Variants in ZNF536 observed in about 807,000 individuals in gnomAD.
The protein encoded by ZNF536 is zinc finger protein 536.
In ZNF536, 13 loss-of-function variants were observed where a neutral mutation model predicts 84.5. That is an observed-to-expected ratio of 0.15 (90% confidence interval 0.10 to 0.24). ZNF536 has a LOEUF of 0.24. ZNF536 is among the 10% of genes least tolerant of loss of function. The probability of loss-of-function intolerance (pLI) is 1.00; values close to 1 mark genes in which losing one functional copy is unlikely to be tolerated. For missense variants in ZNF536, 1,536 were observed against 1,747.5 expected, an observed-to-expected ratio of 0.88 and a Z score of 2.16; for synonymous variants, 811 against 742.5, an observed-to-expected ratio of 1.09 and a Z score of -1.50.
chr19:30,522,262 C>CACACACAT (rs2044375836), intron 2 of ZNF536, among the ~76,000 whole-genome samples: 2 of 7,638 alleles, frequency 2.6e-4, no homozygotes, highest in East Asian at 0.011. Flanking sequence ...GATATATATA[C>CACACACAT]ATATATATAT....
chr19:30,459,327 TTTCTTTCTTTCC>T (rs2053024223), intron 2 of ZNF536, among the ~76,000 whole-genome samples: 2 of 151,426 alleles, frequency 1.3e-5, no homozygotes, highest in South Asian at 4.2e-4. Flanking sequence ...CTTTTCTTTC[TTTCTTTCTTTCC>T]TTCTTTCTTT....
At chr19:30,572,331 C>T (rs967758752) in intron 1 of ZNF536, among the ~76,000 whole-genome samples, 6 of 152,114 alleles carry the variant, frequency 3.9e-5, no homozygotes, top group East Asian at 1.9e-4. Flanking sequence ...CCCAGGCCCC[C>T]GTCCTAAGAG....
chr19:30,373,365 C>G (rs1000286232), intron 1 of ZNF536, among the ~76,000 whole-genome samples: 2 of 152,030 alleles, frequency 1.3e-5, no homozygotes, highest in South Asian at 4.1e-4. Flanking sequence ...GATTTTAGTT[C>G]TGTTGTTCTT....
At chr19:30,374,338 T>G (rs1052442763) in intron 1 of ZNF536, among the ~76,000 whole-genome samples, 1 of 152,060 alleles carries the variant, frequency 6.6e-6, no homozygotes, top group African/African-American at 2.4e-5. Context: ...TCTTTTAGTC[T>G]AGCACCGTAA....
intron 2 of ZNF536, among the ~76,000 whole-genome samples, chr19:30,513,261 T>C (rs929634077): frequency 1.7e-4 from 26 of 152,204 alleles, no homozygotes; most frequent in Non-Finnish European, 2.1e-4. Flanking sequence ...GGTTTGCTGT[T>C]TCCTTCCTAC....
intron 1 of ZNF536, among the ~76,000 whole-genome samples, chr19:30,577,001 G>A (rs1322215618): frequency 1.3e-5 from 2 of 152,164 alleles, no homozygotes; most frequent in African/African-American, 2.4e-5. Flanking sequence ...TTTTGTTGTT[G>A]TTGTTGTTTT....
At chr19:30,560,135 G>T (rs1741979867), downstream of ZNF536, among the ~76,000 whole-genome samples, 1 of 151,928 alleles carries the variant, frequency 6.6e-6, no homozygotes, top group African/African-American at 2.4e-5. Flanking sequence ...TGCCTGCCGG[G>T]GAGCTGGGTG....
At position 30,567,246 on chromosome 19, in the gene ZNF536, C is replaced by G. The variant is rs377645545; in HGVS notation, c.169+17732C>G. 7.2e-4 allele frequency among the ~76,000 whole-genome samples: 109 copies of G among 152,360 alleles called. 1 individual carries two copies. Among genetic ancestry groups the G allele is most frequent in the Middle Eastern group, 6.8e-3 (2 of 294 alleles). ...GGGGCATTTCTGAGCCACGATTCTG[C>G]GATTTGGCGATCCTAACCTGAGACA... On this transcript the variant is annotated intron_variant, in intron 1 of 1. Transcript: ENST00000592773.
chr19:30,709,232 C>T (rs1025102782), intron 1 of ZNF536, among the ~76,000 whole-genome samples: 1 of 152,200 alleles, frequency 6.6e-6, no homozygotes, highest in Non-Finnish European at 1.5e-5. Context: ...AGGAAGGTTT[C>T]ATTTCAAGAG....
chr19:30,560,849 C>G (rs542510308), downstream of ZNF536, among the ~76,000 whole-genome samples: 1 of 152,234 alleles, frequency 6.6e-6, no homozygotes, highest in Non-Finnish European at 1.5e-5. Flanking sequence ...ATTACATCCC[C>G]AAATCGGCAG....
At chr19:30,387,730 AG>A (rs1332445111) in intron 1 of ZNF536, among the ~76,000 whole-genome samples, 1 of 152,198 alleles carries the variant, frequency 6.6e-6, no homozygotes, top group Non-Finnish European at 1.5e-5. Context: ...CCTTGTCCCC[AG>A]GGGACCTGGC....
At chr19:30,559,938 G>T (rs1244436231), downstream of ZNF536, among the ~76,000 whole-genome samples, 6 of 152,028 alleles carry the variant, frequency 3.9e-5, no homozygotes. Context: ...GCTTAGAGGG[G>T]GCCTTTGTGG....
chr19:30,640,194 C>T (rs1415518938), intron 1 of ZNF536, among the ~76,000 whole-genome samples: 1 of 151,276 alleles, frequency 6.6e-6, no homozygotes, highest in Non-Finnish European at 1.5e-5. Context: ...TTGCAGTGAG[C>T]CAAGATCACG....
chr19:30,667,327 A>T (rs1390637767), intron 1 of ZNF536, among the ~76,000 whole-genome samples: 1 of 152,206 alleles, frequency 6.6e-6, no homozygotes, highest in Non-Finnish European at 1.5e-5. Flanking sequence ...TGACTTGCAC[A>T]CAGGCTTGCC....
intron 1 of ZNF536, among the ~76,000 whole-genome samples, chr19:30,670,831 C>T (rs2050522361): frequency 6.6e-6 from 1 of 152,230 alleles, no homozygotes; most frequent in South Asian, 2.1e-4. Flanking sequence ...TGCTGTATCC[C>T]TGCCAGGCTG....
At chr19:30,280,104 C>G (rs2045385095) in intron 1 of ZNF536, among the ~76,000 whole-genome samples, 1 of 152,130 alleles carries the variant, frequency 6.6e-6, no homozygotes, top group South Asian at 2.1e-4. Flanking sequence ...TTCCTCCCAA[C>G]CATCCGCCTC....
intron 4 of ZNF536, among the ~76,000 whole-genome samples, chr19:30,549,998 TA>T (rs1235481457): frequency 6.6e-6 from 1 of 152,234 alleles, no homozygotes; most frequent in Non-Finnish European, 1.5e-5. Context: ...CATATCACAC[TA>T]ACAACAGTAT....
chr19:30,466,744 GGAAGAAAGGAGGGAA>G (rs2053423343), intron 2 of ZNF536, among the ~76,000 whole-genome samples: 5 of 75,418 alleles, frequency 6.6e-5, no homozygotes, highest in East Asian at 1.0e-3. Context: ...AGGGAGGGAA[GGAAGAAAGGAGGGAA>G]GGAAGGAAGG....
chr19:30,701,134 A>G (rs1019505543), intron 1 of ZNF536, among the ~76,000 whole-genome samples: 30 of 152,048 alleles, frequency 2.0e-4, no homozygotes, highest in Admixed American at 3.9e-4. Context: ...CCCAGCTTTG[A>G]TGGGCTTCTG....
Sources: allele counts gnomAD v4.1 joint callset (sites outside exome capture counted in the v4.1 genomes callset), GRCh38; gene constraint gnomAD v4.1.1; transcripts MANE v1.5; gene names NCBI Gene and HGNC (gene_info 2026-07-23, HGNC 2026-07-21).